The following OXCT1 variants were observed in gnomAD, a reference collection of about 807,000 sequenced individuals.
OXCT1 encodes the protein 3-oxoacid CoA-transferase 1.
A neutral mutation model predicts 69.6 loss-of-function variants in OXCT1; 27 were observed. The ratio of observed to expected loss-of-function variants is 0.39; its 90% confidence interval spans 0.29 to 0.54. OXCT1 has a LOEUF of 0.54. Ranked by LOEUF, OXCT1 falls within the 20% of genes least tolerant of loss-of-function variation. The probability of loss-of-function intolerance (pLI) is 0.72; values close to 1 mark genes in which losing one functional copy is unlikely to be tolerated. For missense variants in OXCT1, 437 were observed against 650.2 expected, an observed-to-expected ratio of 0.67 and a Z score of 3.57; for synonymous variants, 202 against 217.8, an observed-to-expected ratio of 0.93 and a Z score of 0.64.
At chr5:41,795,683 T>C (rs1485817939) in intron 11 of OXCT1, among the ~76,000 whole-genome samples, 1 of 152,132 alleles carries the variant, frequency 6.6e-6, no homozygotes, top group Non-Finnish European at 1.5e-5. Context: ...GTTAATACTA[T>C]ACTGTATAAT....
chr5:41,822,278 T>C (rs894935410), intron 7 of OXCT1, among the ~76,000 whole-genome samples: 1 of 152,042 alleles, frequency 6.6e-6, no homozygotes, highest in Non-Finnish European at 1.5e-5. Context: ...CTTCTGAAGC[T>C]CATGAGGCTA....
At chr5:41,826,181 G>A (rs1165012724) in intron 7 of OXCT1, among the ~76,000 whole-genome samples, 2 of 152,184 alleles carry the variant, frequency 1.3e-5, no homozygotes, top group Non-Finnish European at 2.9e-5. Context: ...TTGATTTTAT[G>A]GACTTCAAAT....
chr5:41,806,948 G>T (rs1230516343), intron 8 of OXCT1, among the ~76,000 whole-genome samples: 1 of 152,016 alleles, frequency 6.6e-6, no homozygotes, highest in African/African-American at 2.4e-5. Flanking sequence ...GCACCTTCAA[G>T]ACAGACAATT....
At position 41,739,467 on chromosome 5, in the gene OXCT1, T is replaced by C. The variant is rs757254035; in HGVS notation, c.1444A>G (p.Lys482Glu). The C allele has an allele frequency of 1.9e-6, 3 of 1,613,442 alleles. No individual in the cohort carries two copies. The highest frequency in any genetic ancestry group is 1.7e-5 in the Admixed American group (1 of 60,020). Residue 482 changes from lysine (K) to glutamate (E), a missense_variant, in exon 16 of 17, where the codon AAA (lysine) becomes GAA (glutamate). Around this residue, in one of 4 missense-constraint regions of OXCT1, gnomAD observed 102 missense variants for 162.1 expected, o/e 0.63. Transcript: ENST00000196371. ...EKAVFDVDKKKGLTLIELWEG... is the reference protein window; with the variant it reads ...EKAVFDVDKKEGLTLIELWEG... ...CAGAGCTCAATCAGAGTCAACCCTT[T>C]CTTCTTGTCCACATCAAACACAGCC...
intron 13 of OXCT1, among the ~76,000 whole-genome samples, chr5:41,783,330 A>G (rs10214013): frequency 0.012 from 1,757 of 152,342 alleles, 36 homozygotes; most frequent in African/African-American, 0.04. Flanking sequence ...GTCATTTAAT[A>G]AAATTTAGTC....
chr5:41,791,594 A>G (rs1745918772), intron 13 of OXCT1, among the ~76,000 whole-genome samples: 3 of 152,202 alleles, frequency 2.0e-5, no homozygotes, highest in African/African-American at 7.2e-5. Context: ...AACAAATCTT[A>G]TACTGATATG....
intron 13 of OXCT1, among the ~76,000 whole-genome samples, chr5:41,775,106 G>A (rs1745060303): frequency 6.6e-6 from 1 of 152,054 alleles, no homozygotes; most frequent in Admixed American, 6.6e-5. Context: ...CATCAAATAT[G>A]TGGGGTTTTT....
At chr5:41,803,299 C>T (rs143264661) in intron 9 of OXCT1, 136 bp from the exon 10 acceptor site, 3 of 627,164 alleles carry the variant, frequency 4.8e-6, no homozygotes, top group South Asian at 4.0e-5. Context: ...AATATATTCT[C>T]CAATCACCCA....
At chr5:41,758,742 C>T (rs1055167924) in intron 14 of OXCT1, among the ~76,000 whole-genome samples, 26 of 152,144 alleles carry the variant, frequency 1.7e-4, no homozygotes, top group Non-Finnish European at 2.9e-5. Flanking sequence ...GTACCCAAGG[C>T]TGCTGCTGCA....
intron 2 of OXCT1, among the ~76,000 whole-genome samples, 179 bp downstream of exon 2, chr5:41,862,463 A>T (rs1169176510): frequency 6.6e-6 from 1 of 152,192 alleles, no homozygotes; most frequent in Non-Finnish European, 1.5e-5. Context: ...TTAAGTGCTA[A>T]ACCTTGCTAA....
At chr5:41,774,130 T>A (rs559881384) in intron 13 of OXCT1, among the ~76,000 whole-genome samples, 9 of 152,332 alleles carry the variant, frequency 5.9e-5, no homozygotes, top group Admixed American at 1.3e-4. Flanking sequence ...CTATTTTTAA[T>A]CCTAAGAATG....
intron 13 of OXCT1, among the ~76,000 whole-genome samples, chr5:41,787,138 T>C (rs1013359228): frequency 2.6e-5 from 4 of 152,194 alleles, no homozygotes; most frequent in African/African-American, 9.6e-5. Context: ...TTCTGGCCAG[T>C]AACTCTGTGA....
chr5:41,767,738 A>G (rs1267431949), intron 13 of OXCT1, among the ~76,000 whole-genome samples: 1 of 142,420 alleles, frequency 7.0e-6, no homozygotes, highest in African/African-American at 2.6e-5. Flanking sequence ...ATATATATAT[A>G]TATATATATA....
At chr5:41,738,115 C>T (rs1333279613) in intron 16 of OXCT1, among the ~76,000 whole-genome samples, 2 of 152,160 alleles carry the variant, frequency 1.3e-5, no homozygotes, top group African/African-American at 2.4e-5. Context: ...ACAAGAAAGA[C>T]ATACATACAA....
intron 7 of OXCT1, among the ~76,000 whole-genome samples, chr5:41,837,484 G>C (rs1748423324): frequency 6.6e-6 from 1 of 151,406 alleles, no homozygotes; most frequent in Non-Finnish European, 1.5e-5. Context: ...CCAAGAGAAA[G>C]ACTGAATGAA....
intron 7 of OXCT1, among the ~76,000 whole-genome samples, chr5:41,829,913 T>A (rs1482599796): frequency 6.6e-6 from 1 of 152,162 alleles, no homozygotes; most frequent in Non-Finnish European, 1.5e-5. Flanking sequence ...TTCATGAAAA[T>A]TCAAGGAAAC....
chr5:41,739,626 T>C (rs1743059906), intron 15 of OXCT1, 135 bp from the exon 16 acceptor site: 6 of 670,112 alleles, frequency 9.0e-6, no homozygotes, highest in Non-Finnish European at 1.6e-5. Flanking sequence ...AGCATTTTGG[T>C]AGGCTTAGGT....
At chr5:41,758,093 C>T (rs1479065643) in intron 14 of OXCT1, among the ~76,000 whole-genome samples, 1 of 151,962 alleles carries the variant, frequency 6.6e-6, no homozygotes, top group East Asian at 1.9e-4. Flanking sequence ...CAGGGATAAA[C>T]AGAGTAGAAA....
chr5:41,810,596 T>A (rs948376335), intron 7 of OXCT1, among the ~76,000 whole-genome samples: 28 of 152,178 alleles, frequency 1.8e-4, no homozygotes, highest in African/African-American at 6.5e-4. Flanking sequence ...AATGTTGTTA[T>A]TGATCTGAAC....
Sources: gnomAD v4.1 joint callset for allele counts (sites outside exome capture counted in the v4.1 genomes callset) on GRCh38, gnomAD v4.1.1 for gene constraint, gnomAD v4.1.1 regional missense constraint, MANE v1.5 for transcripts, NCBI Gene and HGNC (gene_info 2026-07-23, HGNC 2026-07-21) for gene names.